Variants in SPRY3 observed in about 807,000 individuals in gnomAD.
SPRY3 encodes sprouty RTK signaling antagonist 3.
A neutral mutation model predicts 20.2 loss-of-function variants in SPRY3; 15 were observed. The observed-to-expected ratio is 0.74, with a 90% CI of 0.50 to 1.14. The LOEUF (loss-of-function observed/expected upper bound fraction) is 1.14. Among genes scored for constraint, SPRY3 ranks in the 50% most tolerant of loss-of-function variants. The pLI, the probability that SPRY3 is intolerant of heterozygous loss-of-function variation, is 0.00. For synonymous variants in SPRY3, 143 were observed against 136.5 expected, an observed-to-expected ratio of 1.05 and a Z score of -0.33; for missense variants, 364 against 363.9, an observed-to-expected ratio of 1.00 and a Z score of 0.00.
chrX:155,766,683 T>G (rs919309580), intron 2 of SPRY3, among the ~76,000 whole-genome samples: 1 of 152,184 alleles, frequency 6.6e-6, no homozygotes, highest in African/African-American at 2.4e-5. Flanking sequence ...AATAGTGGAC[T>G]GAGGGTAATT....
At chrX:155,693,266 C>G (rs768337155) in intron 2 of SPRY3, among the ~76,000 whole-genome samples, 1 of 111,589 alleles carries the variant, frequency 9.0e-6, no homozygotes, top group East Asian at 2.8e-4. Flanking sequence ...ATTTTTAAAT[C>G]TGGAAATATT....
Position 155,727,737 on chromosome X carries a change from GT to G in SPRY3, c.-281-40223del, listed in dbSNP as rs777805423. On this transcript the variant is annotated intron_variant, in intron 2 of 3. Coordinates refer to ENST00000675360, the Ensembl canonical transcript of SPRY3. ...AAGGTTTTTAGCTTCCTTGAAATGG[GT>G]TAGAATGTGCTTCTTTAGCTCAGAG... 1.4e-4 allele frequency among the ~76,000 whole-genome samples: 22 copies of G among 152,180 alleles called. No individual in the cohort carries two copies. The South Asian group carries it at 4.6e-3, about 32-fold the overall frequency.
chrX:155,749,372 C>G (rs902584598), intron 2 of SPRY3, among the ~76,000 whole-genome samples: 1 of 151,458 alleles, frequency 6.6e-6, no homozygotes, highest in African/African-American at 2.4e-5. Context: ...GTAAGGGAGA[C>G]AGCAAGTGAC....
intron 1 of SPRY3, among the ~76,000 whole-genome samples, chrX:155,653,039 C>A (rs2067981811): frequency 9.0e-6 from 1 of 111,281 alleles, no homozygotes; most frequent in African/African-American, 3.3e-5. Flanking sequence ...CTATTCAAGT[C>A]ATTTGCTCAT....
At chrX:155,742,607 A>T (rs1343930524) in intron 2 of SPRY3, among the ~76,000 whole-genome samples, 1 of 152,228 alleles carries the variant, frequency 6.6e-6, no homozygotes, top group African/African-American at 2.4e-5. Context: ...AACACTCCTC[A>T]GCAAATGCAC....
intron 1 of SPRY3, among the ~76,000 whole-genome samples, chrX:155,630,249 A>C (rs144293808): frequency 0.042 from 4,723 of 112,140 alleles, 102 homozygotes; most frequent in Non-Finnish European, 0.067. Context: ...TACTAAACAT[A>C]TGAGTGATTT....
chrX:155,771,127 G>A (rs2091378112), intron 3 of SPRY3, among the ~76,000 whole-genome samples: 1 of 152,104 alleles, frequency 6.6e-6, no homozygotes, highest in South Asian at 2.1e-4. Flanking sequence ...AATGCCCACA[G>A]CTTCTTTTAA....
At chrX:155,685,476 T>A (rs1429902851) in intron 2 of SPRY3, among the ~76,000 whole-genome samples, 1 of 109,222 alleles carries the variant, frequency 9.2e-6, no homozygotes, top group Non-Finnish European at 1.9e-5. Flanking sequence ...TAAACTTGTG[T>A]CATAAGGGTT....
intron 2 of SPRY3, among the ~76,000 whole-genome samples, chrX:155,761,724 T>C (rs2091304941): frequency 6.6e-6 from 1 of 151,788 alleles, no homozygotes; most frequent in South Asian, 2.1e-4. Flanking sequence ...ATTTTTTTTT[T>C]TTTTTTACTT....
At chrX:155,779,908 G>A (rs2091453583), downstream of SPRY3, 1 of 166,970 alleles carries the variant, frequency 6.0e-6, no homozygotes, top group African/African-American at 2.4e-5. Context: ...GGTTTGATAA[G>A]ATTTTGTAGG....
At chrX:155,754,960 TTG>T (rs751529683) in intron 2 of SPRY3, among the ~76,000 whole-genome samples, 49,901 of 151,016 alleles carry the variant, frequency 0.33, 7,903 homozygotes, top group South Asian at 0.51. Context: ...GTAGCTGAAC[TTG>T]TGTGTGTGTG....
In SPRY3 at chrX:155,658,061, A is replaced by C. The variant is rs1407997378; in HGVS notation, c.-282+1036A>C. Among the ~76,000 whole-genome samples, 3 of 112,422 alleles carry C rather than the reference A, an allele frequency of 2.7e-5. No homozygotes were observed. The East Asian group carries it at 8.5e-4, about 32-fold the overall frequency. ...GCTGTTCCTATTTGGCCTTCTTGCC[A>C]GCAGAATCTACTGTGCCGTTTTGGT... On this transcript the variant is annotated intron_variant, in intron 2 of 3. Coordinates refer to ENST00000675360, the Ensembl canonical transcript of SPRY3.
At chrX:155,774,433 C>A in exon 4 of SPRY3, 9 of 1,614,012 alleles carry the variant, frequency 5.6e-6, no homozygotes, top group Non-Finnish European at 7.6e-6. Context: ...TGGCACTTGT[C>A]TCTGCTGTGT....
intron 2 of SPRY3, among the ~76,000 whole-genome samples, chrX:155,746,066 C>G (rs1228879101): frequency 6.6e-6 from 1 of 152,062 alleles, no homozygotes; most frequent in East Asian, 1.9e-4. Flanking sequence ...GTAATTCAAT[C>G]TAGGGCAGCA....
At chrX:155,745,668 T>C (rs1281555015) in intron 2 of SPRY3, among the ~76,000 whole-genome samples, 2 of 152,086 alleles carry the variant, frequency 1.3e-5, no homozygotes, top group Non-Finnish European at 2.9e-5. Flanking sequence ...TCATACAGAA[T>C]CAAATTCCCC....
intron 2 of SPRY3, among the ~76,000 whole-genome samples, chrX:155,700,147 C>T (rs1015249128): frequency 9.2e-6 from 1 of 108,476 alleles, no homozygotes; most frequent in Admixed American, 9.9e-5. Context: ...CTTGAATAAA[C>T]ATTTCTCCAA....
chrX:155,648,638 G>C (rs1557352077), intron 1 of SPRY3, among the ~76,000 whole-genome samples: 1 of 111,652 alleles, frequency 9.0e-6, no homozygotes, highest in South Asian at 3.7e-4. Flanking sequence ...TGAGGCCTCT[G>C]TTCTGCTCCA....
chrX:155,723,690 G>A (rs1391011199), intron 2 of SPRY3, among the ~76,000 whole-genome samples: 2 of 152,166 alleles, frequency 1.3e-5, no homozygotes, highest in Non-Finnish European at 2.9e-5. Flanking sequence ...TTAGCCCTTT[G>A]TCAGATGGGT....
chrX:155,743,170 C>T (rs1279106905), intron 2 of SPRY3, among the ~76,000 whole-genome samples: 8 of 152,082 alleles, frequency 5.3e-5, no homozygotes, highest in Non-Finnish European at 1.0e-4. Context: ...AAACAACCAT[C>T]GGAAAATGCT....
Sources: gnomAD v4.1 joint callset for allele counts (sites outside exome capture counted in the v4.1 genomes callset) on GRCh38, gnomAD v4.1.1 for gene constraint, MANE v1.5 for transcripts, NCBI Gene and HGNC (gene_info 2026-07-23, HGNC 2026-07-21) for gene names.